Variants in AP3B1 observed in about 807,000 individuals in gnomAD.
The protein encoded by AP3B1 is AP-3 complex subunit beta-1.
A neutral mutation model predicts 132.5 loss-of-function variants in AP3B1; 61 were observed. That is an observed-to-expected ratio of 0.46 (90% CI 0.37 to 0.57). AP3B1 has a LOEUF of 0.57. Ranked by LOEUF, AP3B1 falls within the 20% of genes least tolerant of loss-of-function variation. The pLI, the probability that AP3B1 is intolerant of heterozygous loss-of-function variation, is 0.00. For missense variants in AP3B1, 1,120 were observed against 1,289.4 expected (o/e 0.87, Z 2.01); for synonymous variants, 388 against 438.3 (o/e 0.89, Z 1.43).
intron 17 of AP3B1, among the ~76,000 whole-genome samples, chr5:78,124,943 G>A (rs1334199210): frequency 1.3e-5 from 2 of 152,054 alleles, no homozygotes; most frequent in Non-Finnish European, 2.9e-5. Context: ...GGAGTTTCAG[G>A]TTTTAAAAGG....
intron 1 of AP3B1, among the ~76,000 whole-genome samples, chr5:78,273,925 CA>C (rs1199215334): frequency 1.3e-5 from 2 of 150,264 alleles, no homozygotes; most frequent in African/African-American, 4.9e-5. Flanking sequence ...AGCTATCACC[CA>C]AAGCTTCATC....
intron 1 of AP3B1, among the ~76,000 whole-genome samples, chr5:78,284,159 T>C (rs1749173297): frequency 6.6e-6 from 1 of 152,212 alleles, no homozygotes; most frequent in South Asian, 2.1e-4. Context: ...ATACATGAAA[T>C]GTGACTAGAG....
intron 7 of AP3B1, among the ~76,000 whole-genome samples, chr5:78,211,828 G>A (rs966574503): frequency 3.3e-5 from 5 of 152,182 alleles, no homozygotes; most frequent in African/African-American, 1.2e-4. Context: ...AGGCAATAAT[G>A]CTGGCCTGGG....
chr5:78,118,944 C>A (rs958763881), intron 17 of AP3B1, among the ~76,000 whole-genome samples: 28 of 152,318 alleles, frequency 1.8e-4, no homozygotes, highest in Middle Eastern at 3.4e-3. Flanking sequence ...AGACTGACAC[C>A]TCACACGGCC....
At chr5:78,224,352 C>T (rs1217644500) in intron 6 of AP3B1, among the ~76,000 whole-genome samples, 1 of 151,130 alleles carries the variant, frequency 6.6e-6, no homozygotes, top group Non-Finnish European at 1.5e-5. Flanking sequence ...ACAATATTTT[C>T]AAAAATATAT....
intron 7 of AP3B1, among the ~76,000 whole-genome samples, chr5:78,183,201 A>G (rs946478493): frequency 6.6e-6 from 1 of 152,164 alleles, no homozygotes; most frequent in South Asian, 2.1e-4. Context: ...ATCCCTCTGA[A>G]GTGTCAGTGG....
intron 24 of AP3B1, among the ~76,000 whole-genome samples, chr5:78,026,129 C>A (rs1747331792): frequency 6.6e-6 from 1 of 152,242 alleles, no homozygotes; most frequent in Middle Eastern, 3.4e-3. Flanking sequence ...AGATTATCTC[C>A]ATTTCTACAC....
chr5:78,203,982 G>A (rs770152045), intron 7 of AP3B1, among the ~76,000 whole-genome samples: 3 of 152,110 alleles, frequency 2.0e-5, no homozygotes, highest in African/African-American at 4.8e-5. Context: ...TACTTGGAGA[G>A]TCATTGTTTT....
chr5:78,129,155 T>C lies in AP3B1; in HGVS notation c.1803A>G (p.Gln601=). 1 of 1,613,320 alleles carries C rather than the reference T, an allele frequency of 6.2e-7. No homozygotes were observed. Among genetic ancestry groups the C allele is most frequent in the Non-Finnish European group, 8.5e-7 (1 of 1,179,520 alleles). ...SKYAKKIFLA[Q]KPAPLLESPF... ...GAGACTCAAGCAGTGGTGCAGGCTT[T>C]TGTGCTAGGAATATTTTTTTGGCAT... Residue 601 remains glutamine, a synonymous_variant, in exon 16 of 27, where the codon CAA becomes CAG. Coordinates refer to ENST00000255194, the MANE Select transcript of AP3B1 (RefSeq NM_003664.5).
intron 2 of AP3B1, among the ~76,000 whole-genome samples, chr5:78,248,277 G>A (rs189569103): frequency 3.8e-4 from 57 of 151,896 alleles, no homozygotes; most frequent in African/African-American, 1.3e-3. Flanking sequence ...AGATCACAAG[G>A]TCAGGAGTTC....
chr5:78,270,635 G>A (rs1439402599), intron 1 of AP3B1, among the ~76,000 whole-genome samples: 1 of 152,172 alleles, frequency 6.6e-6, no homozygotes, highest in East Asian at 1.9e-4. Flanking sequence ...TGGATATGCA[G>A]AAAAAACGCT....
intron 13 of AP3B1, among the ~76,000 whole-genome samples, chr5:78,158,517 C>T (rs1481175740): frequency 6.6e-6 from 1 of 151,898 alleles, no homozygotes; most frequent in Non-Finnish European, 1.5e-5. Flanking sequence ...CTTCAGTTTA[C>T]AAAACAACAT....
chr5:78,275,179 T>C (rs1029662752), intron 1 of AP3B1, among the ~76,000 whole-genome samples: 4 of 152,004 alleles, frequency 2.6e-5, no homozygotes, highest in South Asian at 2.1e-4. Flanking sequence ...CAACAGACAT[T>C]ATAAAGGCCA....
At chr5:78,187,888 T>C (rs1219978746) in intron 7 of AP3B1, among the ~76,000 whole-genome samples, 6 of 152,178 alleles carry the variant, frequency 3.9e-5, no homozygotes, top group East Asian at 1.9e-4. Context: ...AACAGTCACA[T>C]AGACCAATGG....
At chr5:78,239,603 G>A (rs1187020047) in intron 3 of AP3B1, among the ~76,000 whole-genome samples, 2 of 143,608 alleles carry the variant, frequency 1.4e-5, no homozygotes, top group African/African-American at 4.9e-5. Context: ...GCGAAACCCT[G>A]TCTCTACAAA....
chr5:78,252,005 T>C (rs750996504), intron 2 of AP3B1, among the ~76,000 whole-genome samples: 4 of 152,084 alleles, frequency 2.6e-5, no homozygotes, highest in Non-Finnish European at 5.9e-5. Flanking sequence ...CACAGCAGGA[T>C]AGGGCACCGG....
chr5:78,054,930 C>T (rs1748741636), intron 22 of AP3B1, among the ~76,000 whole-genome samples: 1 of 151,574 alleles, frequency 6.6e-6, no homozygotes, highest in Non-Finnish European at 1.5e-5. Flanking sequence ...GTTCCAGGTA[C>T]CACAAGTTGC....
intron 8 of AP3B1, among the ~76,000 whole-genome samples, chr5:78,180,830 T>C (rs745320068): frequency 2.6e-5 from 4 of 152,002 alleles, no homozygotes; most frequent in Non-Finnish European, 5.9e-5. Context: ...GAGAATGTGA[T>C]GTTTTAATTT....
At chr5:78,149,521 C>T (rs1053923310) in intron 14 of AP3B1, among the ~76,000 whole-genome samples, 5 of 151,970 alleles carry the variant, frequency 3.3e-5, no homozygotes, top group Non-Finnish European at 7.4e-5. Context: ...AAAACCTTAC[C>T]ATAGTCTGTC....
Sources: gnomAD v4.1 joint callset for allele counts (sites outside exome capture counted in the v4.1 genomes callset) on GRCh38, gnomAD v4.1.1 for gene constraint, MANE v1.5 for transcripts, NCBI Gene and HGNC (gene_info 2026-07-23, HGNC 2026-07-21) for gene names.